The following CHN1 variants were observed in gnomAD, a reference collection of about 807,000 sequenced individuals.
CHN1 encodes chimerin 1.
Under a neutral mutation model 59.5 loss-of-function variants are expected in CHN1, and 37 were observed. The ratio of observed to expected loss-of-function variants is 0.62; its 90% CI spans 0.48 to 0.82. The LOEUF (loss-of-function observed/expected upper bound fraction) is 0.82, where lower values mean the gene tolerates loss of function less well. Among genes scored for constraint, CHN1 ranks in the 40% least tolerant of loss-of-function variants. The pLI is 0.00. For missense variants in CHN1, 469 were observed against 571.0 expected, an observed-to-expected ratio of 0.82 and a Z score of 1.82; for synonymous variants, 206 against 200.4, an observed-to-expected ratio of 1.03 and a Z score of -0.24.
chr2:174,842,662 T>G (rs1241119808), intron 7 of CHN1, among the ~76,000 whole-genome samples: 1 of 152,210 alleles, frequency 6.6e-6, no homozygotes, highest in African/African-American at 2.4e-5. Flanking sequence ...AAGACTACCC[T>G]CAGCAAGAGT....
At chr2:174,930,547 G>A (rs530873578) in intron 3 of CHN1, among the ~76,000 whole-genome samples, 29 of 152,268 alleles carry the variant, frequency 1.9e-4, no homozygotes, top group African/African-American at 6.7e-4. Context: ...GGGTTGGGGG[G>A]CAAGTCAAGT....
chr2:174,846,399 A>C, intron 7 of CHN1: 1 of 1,546,022 alleles, frequency 6.5e-7, no homozygotes, highest in Non-Finnish European at 8.7e-7. Flanking sequence ...TCCTCCTTTC[A>C]TCATGGTCAA....
At chr2:174,822,875 G>A (rs184156708) in intron 8 of CHN1, among the ~76,000 whole-genome samples, 57 of 152,242 alleles carry the variant, frequency 3.7e-4, no homozygotes, top group Admixed American at 2.7e-3. Flanking sequence ...GCTCCCTGAC[G>A]AACACCTTTG....
At chr2:174,880,266 T>C (rs558526176) in intron 5 of CHN1, among the ~76,000 whole-genome samples, 71 of 152,304 alleles carry the variant, frequency 4.7e-4, no homozygotes, top group African/African-American at 1.7e-3. Flanking sequence ...ATAAAAAATT[T>C]CCATTTTGGA....
intron 5 of CHN1, among the ~76,000 whole-genome samples, chr2:174,904,782 A>G (rs1050424856): frequency 2.0e-5 from 3 of 152,102 alleles, no homozygotes; most frequent in South Asian, 2.1e-4. Context: ...AAAATGGGGG[A>G]AAAATAGTAT....
At position 174,915,129 on chromosome 2, in the gene CHN1, C is replaced by G; in HGVS notation, c.189G>C (p.Leu63Phe). Residue 63 changes from leucine (L) to phenylalanine (F), a missense_variant, in exon 5 of 13, where the codon TTG becomes TTC. By Grantham distance (22) the Leu-to-Phe change is conservative. This residue lies in a region of CHN1 where 152 missense variants were observed against 166.1 expected (regional missense o/e 0.92). Transcript: ENST00000409900. The stretch of plus-strand genomic sequence containing the variant: ...TGAGGTAGCTCCCCTCAGCCACAAT[C>G]AAGAGCTGGTCGGCTGCTTCTCTGG... ...MISREAADQL[L>F]IVAEGSYLIR... 4.3e-6 allele frequency: 7 copies of G among 1,612,312 alleles called. No homozygotes were observed. Among genetic ancestry groups the G allele is most frequent in the Non-Finnish European group, 5.9e-6 (7 of 1,179,272 alleles).
intron 5 of CHN1, among the ~76,000 whole-genome samples, chr2:174,885,925 T>G (rs1207147021): frequency 6.6e-6 from 1 of 152,250 alleles, no homozygotes; most frequent in Non-Finnish European, 1.5e-5. Context: ...TGCATTCCAA[T>G]CATTTAAAAA....
intron 6 of CHN1, among the ~76,000 whole-genome samples, chr2:174,869,105 T>A (rs548633304): frequency 6.6e-6 from 1 of 152,270 alleles, no homozygotes; most frequent in South Asian, 2.1e-4. Flanking sequence ...CTGGCTCAGG[T>A]CCAAGATCCC....
intron 11 of CHN1, 24 bp downstream of exon 11, chr2:174,808,881 T>C: frequency 6.2e-7 from 1 of 1,612,002 alleles, no homozygotes; most frequent in South Asian, 1.1e-5. Flanking sequence ...TCAGGTTATT[T>C]GAAATACATG....
At chr2:174,845,104 T>TACAA (rs1383223449) in intron 7 of CHN1, among the ~76,000 whole-genome samples, 1 of 152,210 alleles carries the variant, frequency 6.6e-6, no homozygotes, top group East Asian at 1.9e-4. Flanking sequence ...AACTGGAAGA[T>TACAA]ACAAACACAA....
chr2:174,839,754 C>T (rs1200756381), intron 7 of CHN1, among the ~76,000 whole-genome samples: 1 of 152,060 alleles, frequency 6.6e-6, no homozygotes, highest in Admixed American at 6.6e-5. Context: ...CAGGCATGTG[C>T]CACCACGCCC....
At chr2:174,967,234 C>T (rs1479599117) in intron 1 of CHN1, among the ~76,000 whole-genome samples, 1 of 151,906 alleles carries the variant, frequency 6.6e-6, no homozygotes, top group Non-Finnish European at 1.5e-5. Context: ...GTCCCAGCTA[C>T]TGGGGTAGGA....
intron 1 of CHN1, among the ~76,000 whole-genome samples, chr2:174,971,367 A>G (rs1337391360): frequency 6.6e-6 from 1 of 152,242 alleles, no homozygotes; most frequent in South Asian, 2.1e-4. Flanking sequence ...GTTAACATGT[A>G]AGGAGTTTAT....
At chr2:174,883,758 C>A (rs997471910) in intron 5 of CHN1, among the ~76,000 whole-genome samples, 1 of 151,386 alleles carries the variant, frequency 6.6e-6, no homozygotes, top group South Asian at 2.1e-4. Flanking sequence ...TGTTCCTATT[C>A]TTGAATAGAA....
chr2:174,831,711 CCT>C (rs1685884732), intron 7 of CHN1, among the ~76,000 whole-genome samples: 1 of 151,606 alleles, frequency 6.6e-6, no homozygotes, highest in Admixed American at 6.6e-5. Context: ...TTTCTTTTCC[CCT>C]GATAGTTTTG....
At chr2:174,876,562 T>C (rs1222039476) in intron 6 of CHN1, among the ~76,000 whole-genome samples, 2 of 152,178 alleles carry the variant, frequency 1.3e-5, no homozygotes, top group Non-Finnish European at 2.9e-5. Context: ...CCTAACAATA[T>C]GAATATATAA....
At chr2:174,932,727 GTTGT>G (rs971854375) in intron 3 of CHN1, among the ~76,000 whole-genome samples, 5 of 152,126 alleles carry the variant, frequency 3.3e-5, no homozygotes, top group East Asian at 1.9e-4. Flanking sequence ...ACGAGATTTG[GTTGT>G]TTAAGTGTGT....
intron 1 of CHN1, among the ~76,000 whole-genome samples, chr2:174,984,055 G>GTT (rs75391193): frequency 7.0e-6 from 1 of 142,294 alleles, no homozygotes. Context: ...CTCCACGCAA[G>GTT]TTTTTTTTTT....
chr2:174,996,563 T>G (rs1213235017), intron 1 of CHN1, among the ~76,000 whole-genome samples: 1 of 152,146 alleles, frequency 6.6e-6, no homozygotes, highest in Non-Finnish European at 1.5e-5. Context: ...CTAGAACATA[T>G]AGCTGATCCT....
Sources: allele counts gnomAD v4.1 joint callset (sites outside exome capture counted in the v4.1 genomes callset), GRCh38; gene constraint gnomAD v4.1.1; regional missense constraint gnomAD v4.1.1; transcripts MANE v1.5; gene names NCBI Gene and HGNC (gene_info 2026-07-23, HGNC 2026-07-21).